GDA: variants seen among roughly 807,000 people sequenced by gnomAD.
GDA encodes the protein cytoplasmic PSD-95 interactor.
A neutral mutation model predicts 59.6 loss-of-function variants in GDA; 18 were observed. That is an observed-to-expected ratio of 0.30 (90% CI 0.21 to 0.45). The LOEUF (loss-of-function observed/expected upper bound fraction) is 0.45. Among genes scored for constraint, GDA ranks in the 20% least tolerant of loss-of-function variants. The pLI is 1.00. For synonymous variants in GDA, 201 were observed against 201.1 expected (o/e 1.00, Z 0.00); for missense variants, 427 against 552.3 (o/e 0.77, Z 2.27).
At chr9:72,234,341 A>G (rs34584186) in intron 10 of GDA, among the ~76,000 whole-genome samples, 27,443 of 152,172 alleles carry the variant, frequency 0.18, 2,855 homozygotes, top group Middle Eastern at 0.29. Flanking sequence ...TTTTTGCAAA[A>G]TAGTTAATGC....
intron 3 of GDA, among the ~76,000 whole-genome samples, chr9:72,206,211 T>C (rs1376275425): frequency 6.6e-6 from 1 of 152,198 alleles, no homozygotes; most frequent in Non-Finnish European, 1.5e-5. Flanking sequence ...TTTTTTTCTA[T>C]CTCTATGAGA....
At chr9:72,147,973 T>C (rs1826739111), upstream of GDA, among the ~76,000 whole-genome samples, 1 of 152,142 alleles carries the variant, frequency 6.6e-6, no homozygotes, top group African/African-American at 2.4e-5. Flanking sequence ...GGCCTTTCAG[T>C]GCTAAAACCA....
chr9:72,149,400 G>A (rs2130689780), upstream of GDA: 2 of 698,426 alleles, frequency 2.9e-6, no homozygotes, highest in African/African-American at 1.9e-5. Flanking sequence ...CCCTGGGCGC[G>A]GCCTGCAGGG....
At chr9:72,196,012 G>C (rs564506384) in intron 2 of GDA, among the ~76,000 whole-genome samples, 1 of 152,162 alleles carries the variant, frequency 6.6e-6, no homozygotes, top group African/African-American at 2.4e-5. Flanking sequence ...GGGTATGATA[G>C]AGGTTAACTA....
intron 1 of GDA, among the ~76,000 whole-genome samples, chr9:72,120,256 C>T (rs1388190358): frequency 2.0e-5 from 3 of 151,284 alleles, no homozygotes; most frequent in Non-Finnish European, 4.4e-5. Flanking sequence ...GGCACGATCT[C>T]GGCTCACTGC....
intron 6 of GDA, among the ~76,000 whole-genome samples, chr9:72,221,583 G>A (rs1304046365): frequency 6.6e-6 from 1 of 152,162 alleles, no homozygotes; most frequent in African/African-American, 2.4e-5. Context: ...AAGTTCAGGG[G>A]TACATATGCA....
chr9:72,121,196 C>T (rs1326759052), intron 1 of GDA, among the ~76,000 whole-genome samples: 1 of 152,146 alleles, frequency 6.6e-6, no homozygotes, highest in African/African-American at 2.4e-5. Context: ...TTGTTTTCTA[C>T]ATTATGCACA....
intron 1 of GDA, among the ~76,000 whole-genome samples, chr9:72,164,739 T>C (rs2130880412): frequency 6.6e-6 from 1 of 151,420 alleles, no homozygotes; most frequent in East Asian, 2.0e-4. Flanking sequence ...ATCCCAGCAC[T>C]TTGGGAGGCT....
intron 1 of GDA, among the ~76,000 whole-genome samples, chr9:72,188,986 CTT>C (rs1214651854): frequency 2.6e-5 from 4 of 152,060 alleles, no homozygotes. Flanking sequence ...GTCTGTTACT[CTT>C]CTCTTTTTGC....
rs60490027 is a variant in GDA, at chr9:72,238,436, A to T, written c.989-2716A>T. Among the ~76,000 whole-genome samples the T allele has an allele frequency of 4.3e-3, 649 of 152,304 alleles. 4 individuals are homozygous for T. The highest frequency in any genetic ancestry group is 0.015 in the African/African-American group (624 of 41,556). On this transcript the variant is annotated intron_variant, in intron 10 of 13. Transcript: ENST00000358399. ...TTATTGTTAATATATGTCTGTTTAT[A>T]TGATTCTTTTCTTTCTCCCCAACAA... is the stretch of plus-strand genomic sequence containing the variant.
intron 1 of GDA, among the ~76,000 whole-genome samples, chr9:72,142,521 C>T (rs903454328): frequency 4.0e-5 from 6 of 150,448 alleles, no homozygotes; most frequent in South Asian, 4.3e-4. Flanking sequence ...TGCAGTGAGC[C>T]GAGATCGTGC....
At chr9:72,120,613 G>A (rs1160800106) in intron 1 of GDA, among the ~76,000 whole-genome samples, 4 of 152,112 alleles carry the variant, frequency 2.6e-5, no homozygotes, top group Non-Finnish European at 5.9e-5. Context: ...ATCACTGCAG[G>A]TAAGAAATAA....
chr9:72,256,224 A>T (rs1840879517), downstream of GDA, among the ~76,000 whole-genome samples: 1 of 152,250 alleles, frequency 6.6e-6, no homozygotes, highest in Non-Finnish European at 1.5e-5. Flanking sequence ...CAGAAAACAA[A>T]ATAATGGCCT....
At chr9:72,237,251 A>G (rs1243447107) in intron 10 of GDA, among the ~76,000 whole-genome samples, 1 of 151,998 alleles carries the variant, frequency 6.6e-6, no homozygotes, top group African/African-American at 2.4e-5. Context: ...CTCCGTGACA[A>G]CTGCTTTTGC....
At chr9:72,118,559 G>A (rs1484533250) in intron 1 of GDA, among the ~76,000 whole-genome samples, 2 of 152,056 alleles carry the variant, frequency 1.3e-5, no homozygotes, top group Non-Finnish European at 2.9e-5. Flanking sequence ...TAAAGCTCTA[G>A]GAGATGCATA....
Position 72,250,072 on chromosome 9 carries a change from A to G in GDA, c.*1730A>G, listed in dbSNP as rs892510644. On this transcript the variant is annotated 3_prime_UTR_variant, in exon 14 of 14. Coordinates refer to ENST00000358399, the MANE Select transcript of GDA (RefSeq NM_004293.5). ...TTTCCAGTCTTAGTCTGTATTTCCA[A>G]TATTTCTAATTCCTGAGCCACGTCA... 9 of 980,974 alleles carry G rather than the reference A, an allele frequency of 9.2e-6. No individual in the cohort carries two copies. The highest frequency in any genetic ancestry group is 1.1e-5 in the Non-Finnish European group (9 of 826,046). 60.8% of individuals were successfully genotyped at this position (980,974 alleles called of 1,614,324 possible).
intron 1 of GDA, among the ~76,000 whole-genome samples, chr9:72,177,400 C>T (rs1028728723): frequency 3.3e-5 from 5 of 151,992 alleles, no homozygotes; most frequent in Non-Finnish European, 7.4e-5. Flanking sequence ...CTGGACAAAA[C>T]ATCTGTTTTT....
downstream of GDA, among the ~76,000 whole-genome samples, chr9:72,256,188 T>G (rs1051184450): frequency 1.3e-5 from 2 of 152,198 alleles, no homozygotes; most frequent in African/African-American, 4.8e-5. Context: ...TTAGTTGGTT[T>G]TTTGAAAGAT....
downstream of GDA, among the ~76,000 whole-genome samples, chr9:72,252,690 G>A (rs1488082006): frequency 6.6e-6 from 1 of 152,044 alleles, no homozygotes; most frequent in Non-Finnish European, 1.5e-5. Flanking sequence ...TTCCCCAGTT[G>A]GTTTCTTGAG....
Sources: gnomAD v4.1 joint callset for allele counts (sites outside exome capture counted in the v4.1 genomes callset) on GRCh38, gnomAD v4.1.1 for gene constraint, MANE v1.5 for transcripts, NCBI Gene and HGNC (gene_info 2026-07-23, HGNC 2026-07-21) for gene names.